The following GPD2 variants were observed in gnomAD, a reference collection of about 807,000 sequenced individuals.
The protein encoded by GPD2 is glycerol-3-phosphate dehydrogenase, mitochondrial.
GPD2 carries 54 observed loss-of-function variants against 82.4 expected under a neutral mutation model. That is an observed-to-expected ratio of 0.66 (90% CI 0.53 to 0.82). The LOEUF (loss-of-function observed/expected upper bound fraction) is 0.82. Ranked by LOEUF, GPD2 falls within the 40% of genes least tolerant of loss-of-function variation. The pLI is 0.00. For synonymous variants in GPD2, 288 were observed against 306.1 expected, an observed-to-expected ratio of 0.94 and a Z score of 0.62; for missense variants, 748 against 896.2, an observed-to-expected ratio of 0.83 and a Z score of 2.11.
At chr2:156,458,180 A>C (rs1396576181) in intron 1 of GPD2, among the ~76,000 whole-genome samples, 1 of 152,146 alleles carries the variant, frequency 6.6e-6, no homozygotes, top group African/African-American at 2.4e-5. Flanking sequence ...GGGGAGAGAG[A>C]GGGAATGTTG....
intron 8 of GPD2, among the ~76,000 whole-genome samples, chr2:156,554,474 G>C (rs1686885205): frequency 2.6e-5 from 4 of 152,204 alleles, no homozygotes; most frequent in Admixed American, 2.6e-4. Flanking sequence ...GCTGTTTTCA[G>C]AAGTATCTTT....
Position 156,510,928 on chromosome 2 carries a change from T to C in GPD2, c.399+8T>C, listed in dbSNP as rs774217089. The C allele has an allele frequency of 3.1e-6, 5 of 1,613,288 alleles. No homozygotes were observed. In the South Asian group the frequency reaches 5.5e-5, roughly 18 times the overall value. ...AAGTTGGATATTGAGCAGGTAATTG[T>C]GTATGCTGGTTGTTAAACAAAAATT... On this transcript the variant is annotated splice_region_variant and intron_variant, in intron 4 of 16. Transcript: ENST00000438166.
intron 2 of GPD2, among the ~76,000 whole-genome samples, chr2:156,487,538 G>C (rs937154290): frequency 2.6e-5 from 4 of 152,206 alleles, no homozygotes; most frequent in African/African-American, 9.7e-5. Flanking sequence ...GAGATTTGGA[G>C]TCAAACCTGG....
In GPD2 at chr2:156,496,165, T is replaced by C. The variant is rs749469985; in HGVS notation, c.224T>C (p.Ile75Thr). Reference sequence around the variant, plus strand: ...ACATCTGAATTTGATATCCTTGTTATTGGAGGAGGAGCAACAGGAAGTGGC... The same window carrying C: ...ACATCTGAATTTGATATCCTTGTTACTGGAGGAGGAGCAACAGGAAGTGGC... ...QNTSEFDILV[I>T]GGGATGSGCA... is the part of the protein sequence containing the mutation. The change falls in exon 3 of 17, where the codon ATT (isoleucine) becomes ACT (threonine). Residue 75 changes from isoleucine (I) to threonine (T), a missense_variant. This residue lies in a region of GPD2 where 692 missense variants were observed against 809.7 expected (regional missense o/e 0.85). Coordinates refer to ENST00000438166, the MANE Select transcript of GPD2 (RefSeq NM_000408.5). 3.7e-6 allele frequency: 6 copies of C among 1,613,132 alleles called. No homozygotes were observed. Among genetic ancestry groups the C allele is most frequent in the South Asian group, 1.1e-5 (1 of 91,076 alleles).
chr2:156,404,880 A>T, the GPD2 span, among the ~76,000 whole-genome samples: 19 of 151,888 alleles, frequency 1.3e-4, no homozygotes, highest in African/African-American at 4.3e-4. Context: ...AAACATTTAC[A>T]TTTAGAGAAA....
chr2:156,496,266 A>G, intron 3 of GPD2, 51 bp downstream of exon 3: 1 of 1,271,560 alleles, frequency 7.9e-7, no homozygotes, highest in Non-Finnish European at 1.1e-6. Flanking sequence ...GTACATGTGC[A>G]GGATGTGCAG....
At chr2:156,402,463 G>A in the GPD2 span, among the ~76,000 whole-genome samples, 1 of 152,122 alleles carries the variant, frequency 6.6e-6, no homozygotes, top group Admixed American at 6.5e-5. Context: ...GAAGAACAAG[G>A]TCAACTCATT....
At chr2:156,405,340 C>A in the GPD2 span, among the ~76,000 whole-genome samples, 1 of 152,146 alleles carries the variant, frequency 6.6e-6, no homozygotes, top group African/African-American at 2.4e-5. Context: ...GTGGTTAGAT[C>A]AACCCCAGGA....
At chr2:156,430,919 C>T (rs1223843298), upstream of GPD2, among the ~76,000 whole-genome samples, 2 of 152,198 alleles carry the variant, frequency 1.3e-5, no homozygotes, top group African/African-American at 4.8e-5. Flanking sequence ...AGCCTACTCT[C>T]CAAGTTTGGG....
At position 156,582,868 on chromosome 2, in the gene GPD2, C is replaced by T; in HGVS notation, c.2134C>T (p.Leu712Phe). Residue 712 changes from leucine to phenylalanine, a missense_variant, in exon 17 of 17, where the codon CTC becomes TTC. This residue lies in a region of GPD2 where 46 missense variants were observed against 49.1 expected (regional missense o/e 0.94). Coordinates refer to ENST00000438166, the MANE Select transcript of GPD2 (RefSeq NM_000408.5). ...ACTAATGAAAACTGCAGAAGAGAAC[C>T]TCGACAGAAGAGTTCCAATTCCAGT... ...AILMKTAEEN[L>F]DRRVPIPVDR... The T allele has an allele frequency of 6.2e-7, 1 of 1,613,126 alleles. No homozygotes were observed. Among genetic ancestry groups the T allele is most frequent in the South Asian group, 1.1e-5 (1 of 91,066 alleles).
rs113049586 is a variant in GPD2, at chr2:156,555,334, A to G, written c.972-2055A>G. Among the ~76,000 whole-genome samples, 430 of 152,288 alleles carry G rather than the reference A, an allele frequency of 2.8e-3. 1 individual carries two copies. The highest frequency in any genetic ancestry group is 9.8e-3 in the African/African-American group (407 of 41,562). On this transcript the variant is annotated intron_variant, in intron 8 of 16. Transcript: ENST00000438166. ...TTTTAAACTACTTTATTGCATTGCA[A>G]GTTTTTAAAAGATTCAGTAGTTGTG...
Position 156,496,166 on chromosome 2 carries a change from T to C in GPD2, c.225T>C (p.Ile75=). 1 of 1,613,100 alleles carries C rather than the reference T, an allele frequency of 6.2e-7. No homozygotes were observed. The highest frequency in any genetic ancestry group is 8.5e-7 in the Non-Finnish European group (1 of 1,179,138). The change falls in exon 3 of 17, where the codon ATT becomes ATC. Residue 75 remains isoleucine, a synonymous_variant. Coordinates refer to ENST00000438166, the MANE Select transcript of GPD2 (RefSeq NM_000408.5). ...CATCTGAATTTGATATCCTTGTTAT[T>C]GGAGGAGGAGCAACAGGAAGTGGCT... The part of the protein sequence containing the change: ...QNTSEFDILV[I]GGGATGSGCA...
At chr2:156,472,842 A>G (rs1683380146) in intron 1 of GPD2, among the ~76,000 whole-genome samples, 1 of 152,208 alleles carries the variant, frequency 6.6e-6, no homozygotes, top group South Asian at 2.1e-4. Flanking sequence ...ACCAGGGCTC[A>G]AGAACATAAA....
At chr2:156,514,094 C>T (rs375750862) in intron 6 of GPD2, among the ~76,000 whole-genome samples, 3 of 148,404 alleles carry the variant, frequency 2.0e-5, no homozygotes, top group African/African-American at 7.4e-5. Flanking sequence ...AGTGACATTA[C>T]ATAGTGGCCA....
At chr2:156,401,429 T>A in the GPD2 span, among the ~76,000 whole-genome samples, 2 of 152,212 alleles carry the variant, frequency 1.3e-5, no homozygotes, top group Admixed American at 1.3e-4. Flanking sequence ...CTCTCTTTGG[T>A]GAAGGAGGCA....
chr2:156,476,090 C>G lies in GPD2; in HGVS notation c.-8-8C>G. On this transcript the variant is annotated splice_region_variant and splice_polypyrimidine_tract_variant and intron_variant, in intron 1 of 16. Transcript: ENST00000438166. ...TAACTTCTTTTTGTTTCTTATTTTT[C>G]TTTGTAGGCTAAGAAATGGCATTTC... The G allele has an allele frequency of 6.9e-7, 1 of 1,456,050 alleles. No individual in the cohort carries two copies. Among genetic ancestry groups the G allele is most frequent in the South Asian group, 1.1e-5 (1 of 87,800 alleles). The allele number at this position is 1,456,050 out of a possible 1,614,324, so 90.2% of individuals were successfully genotyped here.
intron 2 of GPD2, among the ~76,000 whole-genome samples, chr2:156,487,326 A>G (rs1436774819): frequency 6.6e-6 from 1 of 152,152 alleles, no homozygotes; most frequent in Admixed American, 6.5e-5. Context: ...TTAAAAAAAA[A>G]AAGTGCTATT....
rs144803882 is a variant in GPD2, at chr2:156,578,834, G to GA, written c.1768-48dup. 8,475 of 1,043,526 alleles carry GA rather than the reference G, an allele frequency of 8.1e-3. 471 individuals carry two copies. The African/African-American group carries it at 0.12, about 14-fold the overall frequency. The allele number at this position is 1,043,526 out of a possible 1,614,324, so 64.6% of individuals were successfully genotyped here. A position where few individuals can be genotyped will look rare whatever the true frequency, so the allele number is the denominator to read the frequency against. On this transcript the variant is annotated intron_variant, in intron 13 of 16. Coordinates refer to ENST00000438166, the MANE Select transcript of GPD2 (RefSeq NM_000408.5). The stretch of plus-strand genomic sequence containing the variant: ...TGAAGATCAACAGTAAAAAAAGGAG[G>GA]AAAAAAATCAATATTTCCATGTGTC...
intron 6 of GPD2, among the ~76,000 whole-genome samples, chr2:156,549,295 A>G (rs1686662792): frequency 6.6e-6 from 1 of 152,230 alleles, no homozygotes; most frequent in Non-Finnish European, 1.5e-5. Context: ...AAAGCCTGAC[A>G]TATACATATG....
Sources: gnomAD v4.1 joint callset for allele counts (sites outside exome capture counted in the v4.1 genomes callset) on GRCh38, gnomAD v4.1.1 for gene constraint, gnomAD v4.1.1 regional missense constraint, MANE v1.5 for transcripts, NCBI Gene and HGNC (gene_info 2026-07-23, HGNC 2026-07-21) for gene names.